YIPF7: variants seen among roughly 807,000 people sequenced by gnomAD.
YIPF7 encodes the protein Yip1 domain family member 7, also known as protein YIPF7.
YIPF7 carries 35 observed loss-of-function variants against 27.2 expected under a neutral mutation model. The ratio of observed to expected loss-of-function variants is 1.29; its 90% CI spans 0.98 to 1.70. The LOEUF is 1.70. Ranked by LOEUF, YIPF7 falls within the 40% of genes most tolerant of loss-of-function variation. The pLI, the probability that YIPF7 is intolerant of heterozygous loss-of-function variation, is 0.00. For missense variants in YIPF7, 358 were observed against 303.7 expected (o/e 1.18, Z -1.33); for synonymous variants, 137 against 110.4 (o/e 1.24, Z -1.51).
At chr4:44,640,107 G>A (rs556676314) in intron 2 of YIPF7, among the ~76,000 whole-genome samples, 1 of 152,188 alleles carries the variant, frequency 6.6e-6, no homozygotes, top group East Asian at 1.9e-4. Flanking sequence ...TTTTGTTGAG[G>A]ATATTTGCAT....
chr4:44,661,347 T>C (rs1714036842), intron 1 of YIPF7, among the ~76,000 whole-genome samples: 2 of 152,172 alleles, frequency 1.3e-5, no homozygotes, highest in African/African-American at 4.8e-5. Flanking sequence ...ACAAGGGTTT[T>C]AGAAATATTA....
chr4:44,648,945 C>T (rs1023073862), intron 2 of YIPF7, among the ~76,000 whole-genome samples: 1 of 152,086 alleles, frequency 6.6e-6, no homozygotes, highest in South Asian at 2.1e-4. Flanking sequence ...GTTTCATTTT[C>T]AACTCAAGTT....
intron 2 of YIPF7, among the ~76,000 whole-genome samples, chr4:44,657,391 T>A (rs1713927691): frequency 6.6e-6 from 1 of 152,206 alleles, no homozygotes; most frequent in Non-Finnish European, 1.5e-5. Context: ...AGGTATAGCA[T>A]GACAAAATAA....
At position 44,622,357 on chromosome 4, in the gene YIPF7, A is replaced by C. The variant is rs1322894338; in HGVS notation, c.*57T>G. ...TATCACCAAATTTGAATGTTAATAT[A>C]TTTCCAAAATAATCTGGACAGCAAA... On this transcript the variant is annotated 3_prime_UTR_variant, in exon 6 of 6. Coordinates refer to ENST00000415895, the MANE Select transcript of YIPF7 (RefSeq NM_182592.3). 1.3e-5 allele frequency: 20 copies of C among 1,536,422 alleles called. No homozygotes were observed. The highest frequency in any genetic ancestry group is 1.4e-5 in the Non-Finnish European group (16 of 1,141,372).
At chr4:44,639,013 T>C (rs182582246) in intron 2 of YIPF7, among the ~76,000 whole-genome samples, 1 of 152,334 alleles carries the variant, frequency 6.6e-6, no homozygotes, top group East Asian at 1.9e-4. Flanking sequence ...TATGTGACCT[T>C]ATTTACATGT....
chr4:44,633,416 C>T (rs1293348342), intron 3 of YIPF7, among the ~76,000 whole-genome samples: 1 of 151,684 alleles, frequency 6.6e-6, no homozygotes, highest in Non-Finnish European at 1.5e-5. Context: ...ACAAATGCTG[C>T]AGGAAAAAAA....
chr4:44,653,085 G>A (rs114675723), upstream of YIPF7, among the ~76,000 whole-genome samples: 890 of 152,122 alleles, frequency 5.9e-3, 4 homozygotes, highest in Middle Eastern at 0.017. Context: ...TGAAGAAGTC[G>A]CTTTACAGAC....
upstream of YIPF7, among the ~76,000 whole-genome samples, chr4:44,655,269 A>G (rs1713857438): frequency 2.6e-5 from 4 of 152,076 alleles, no homozygotes; most frequent in Admixed American, 2.6e-4. Flanking sequence ...AGTATAATGC[A>G]AAATTGTGAC....
chr4:44,656,853 T>C (rs74618879), intron 2 of YIPF7, among the ~76,000 whole-genome samples: 4,586 of 152,188 alleles, frequency 0.03, 162 homozygotes, highest in East Asian at 0.1. Context: ...AAAATAAAAT[T>C]TCTAATAAGA....
chr4:44,660,123 A>AAAAAAAAAAAAAAAAAAAAAAAAAC (rs1560332839), intron 2 of YIPF7, among the ~76,000 whole-genome samples: 1 of 145,740 alleles, frequency 6.9e-6, no homozygotes, highest in Non-Finnish European at 1.5e-5. Context: ...CAAAAAAAAA[A>AAAAAAAAAAAAAAAAAAAAAAAAAC]AAAAAAAAAA....
chr4:44,646,820 G>A (rs1713544483), intron 2 of YIPF7, among the ~76,000 whole-genome samples: 1 of 152,158 alleles, frequency 6.6e-6, no homozygotes, highest in Non-Finnish European at 1.5e-5. Flanking sequence ...GAGAGTGAAA[G>A]AGGCAAAGAC....
At chr4:44,654,541 T>C (rs192747683), upstream of YIPF7, among the ~76,000 whole-genome samples, 1 of 152,116 alleles carries the variant, frequency 6.6e-6, no homozygotes, top group Admixed American at 6.5e-5. Context: ...CATGGCTTTA[T>C]ATATCATCTA....
At chr4:44,644,545 C>A (rs1411142348) in intron 2 of YIPF7, among the ~76,000 whole-genome samples, 2 of 152,070 alleles carry the variant, frequency 1.3e-5, no homozygotes, top group Non-Finnish European at 2.9e-5. Flanking sequence ...TTTTAGAATG[C>A]CTACACCTCT....
chr4:44,647,399 C>A (rs1453989337), intron 2 of YIPF7, among the ~76,000 whole-genome samples: 1 of 152,050 alleles, frequency 6.6e-6, no homozygotes, highest in African/African-American at 2.4e-5. Flanking sequence ...ACCCAAATAC[C>A]AATCTTATCT....
chr4:44,652,230 A>C (rs1410236682), upstream of YIPF7, among the ~76,000 whole-genome samples: 1 of 152,016 alleles, frequency 6.6e-6, no homozygotes, highest in Admixed American at 6.6e-5. Flanking sequence ...GCCCATCCCC[A>C]CCTCAGGAAG....
intron 2 of YIPF7, among the ~76,000 whole-genome samples, chr4:44,647,770 G>C (rs2109598496): frequency 6.6e-6 from 1 of 152,196 alleles, no homozygotes; most frequent in East Asian, 1.9e-4. Context: ...CTGTAGGAGT[G>C]ATCAGTCTGT....
At chr4:44,649,396 T>C (rs187039686) in intron 2 of YIPF7, among the ~76,000 whole-genome samples, 1 of 152,274 alleles carries the variant, frequency 6.6e-6, no homozygotes, top group Non-Finnish European at 1.5e-5. Flanking sequence ...TTTACTGAGA[T>C]ATGTTGAGGC....
intron 2 of YIPF7, among the ~76,000 whole-genome samples, chr4:44,648,256 T>C (rs961273369): frequency 1.3e-5 from 2 of 152,154 alleles, no homozygotes; most frequent in Admixed American, 6.6e-5. Context: ...TTATGGATTT[T>C]TGAATATTTA....
At chr4:44,632,404 G>A (rs996469208) in intron 3 of YIPF7, among the ~76,000 whole-genome samples, 1 of 152,090 alleles carries the variant, frequency 6.6e-6, no homozygotes, top group Admixed American at 6.5e-5. Context: ...CTCGAGCTAC[G>A]CTATAAATAC....
Sources: gnomAD v4.1 joint callset for allele counts (sites outside exome capture counted in the v4.1 genomes callset) on GRCh38, gnomAD v4.1.1 for gene constraint, MANE v1.5 for transcripts, NCBI Gene and HGNC (gene_info 2026-07-23, HGNC 2026-07-21) for gene names.